ESRRG: variants seen among roughly 807,000 people sequenced by gnomAD.
ESRRG encodes the protein estrogen-related receptor gamma.
Under a neutral mutation model 44.0 loss-of-function variants are expected in ESRRG, and 13 were observed. That is an observed-to-expected ratio of 0.30 (90% confidence interval 0.19 to 0.47). The LOEUF (loss-of-function observed/expected upper bound fraction) is 0.47, where lower values mean the gene tolerates loss of function less well. Ranked by LOEUF, ESRRG falls within the 20% of genes least tolerant of loss-of-function variation. The pLI, the probability that ESRRG is intolerant of heterozygous loss-of-function variation, is 1.00. For synonymous variants in ESRRG, 215 were observed against 214.6 expected (o/e 1.00, Z -0.02); for missense variants, 395 against 580.6 (o/e 0.68, Z 3.29).
intron 1 of ESRRG, among the ~76,000 whole-genome samples, chr1:216,711,121 C>G (rs976216850): frequency 1.3e-5 from 2 of 152,154 alleles, no homozygotes; most frequent in East Asian, 1.9e-4. Context: ...ACCTATCGAC[C>G]GAGCCAATTT....
chr1:217,113,096 T>C (rs1386743333), intron 1 of ESRRG, among the ~76,000 whole-genome samples: 3 of 152,060 alleles, frequency 2.0e-5, no homozygotes, highest in Non-Finnish European at 4.4e-5. Context: ...ACAGAGAAAA[T>C]ACAAAATGAA....
intron 5 of ESRRG, among the ~76,000 whole-genome samples, chr1:216,563,269 C>T (rs921377108): frequency 1.3e-5 from 2 of 152,156 alleles, no homozygotes; most frequent in South Asian, 2.1e-4. Context: ...AACAAATTGT[C>T]GCCTGAACGC....
intron 2 of ESRRG, among the ~76,000 whole-genome samples, chr1:216,880,302 C>A (rs12136850): frequency 2.6e-5 from 1 of 38,878 alleles, no homozygotes; most frequent in Non-Finnish European, 4.5e-5. Context: ...AAGCCTCCCT[C>A]TCAAAAAAAA....
intron 2 of ESRRG, among the ~76,000 whole-genome samples, chr1:216,776,490 T>C (rs2093621010): frequency 6.6e-6 from 1 of 152,120 alleles, no homozygotes; most frequent in Non-Finnish European, 1.5e-5. Context: ...ATTCCTTCAC[T>C]GGACTTCATA....
intron 2 of ESRRG, among the ~76,000 whole-genome samples, chr1:216,788,358 T>C (rs183847104): frequency 6.6e-6 from 1 of 152,252 alleles, no homozygotes; most frequent in African/African-American, 2.4e-5. Flanking sequence ...CTGAAAATCC[T>C]AGGGCCCTTA....
At chr1:217,047,453 C>A (rs1045328115) in intron 1 of ESRRG, among the ~76,000 whole-genome samples, 1 of 152,102 alleles carries the variant, frequency 6.6e-6, no homozygotes, top group Non-Finnish European at 1.5e-5. Flanking sequence ...TAATTAAGCA[C>A]CAAATACTGT....
At chr1:216,925,537 T>C (rs563505849) in intron 2 of ESRRG, among the ~76,000 whole-genome samples, 83 of 152,314 alleles carry the variant, frequency 5.4e-4, no homozygotes, top group African/African-American at 1.8e-3. Context: ...CTAAGGTTAT[T>C]CTCAAATACA....
intron 2 of ESRRG, among the ~76,000 whole-genome samples, chr1:216,736,177 T>A (rs1366145183): frequency 4.3e-5 from 1 of 23,018 alleles, no homozygotes; most frequent in Non-Finnish European, 8.1e-5. Context: ...TTAAGGACTA[T>A]TTTTTTTTTT....
chr1:216,904,465 C>A (rs17684132), intron 2 of ESRRG, among the ~76,000 whole-genome samples: 7,188 of 152,214 alleles, frequency 0.047, 212 homozygotes, highest in Middle Eastern at 0.078. Flanking sequence ...CATTGAAAAG[C>A]GCACTTAGCG....
intron 2 of ESRRG, among the ~76,000 whole-genome samples, chr1:216,859,836 G>A (rs974742922): frequency 6.6e-6 from 1 of 152,168 alleles, no homozygotes; most frequent in Non-Finnish European, 1.5e-5. Flanking sequence ...CATATGAGAA[G>A]ATAGAATTCT....
chr1:217,017,850 G>A (rs929724613), intron 1 of ESRRG, among the ~76,000 whole-genome samples: 1 of 152,128 alleles, frequency 6.6e-6, no homozygotes, highest in Non-Finnish European at 1.5e-5. Context: ...ACACATCATC[G>A]ATTGCATAAC....
At chr1:217,118,045 G>C (rs2102486343) in intron 1 of ESRRG, among the ~76,000 whole-genome samples, 1 of 152,228 alleles carries the variant, frequency 6.6e-6, no homozygotes, top group East Asian at 1.9e-4. Context: ...AAATTATTTA[G>C]TACTTACTAT....
chr1:216,952,738 T>C (rs1040851430), intron 1 of ESRRG, among the ~76,000 whole-genome samples: 6 of 152,118 alleles, frequency 3.9e-5, no homozygotes, highest in African/African-American at 1.4e-4. Context: ...TCTAGAATCA[T>C]CAGTCTTCCA....
chr1:217,066,583 AG>A (rs1472073126), intron 1 of ESRRG, among the ~76,000 whole-genome samples: 1 of 152,194 alleles, frequency 6.6e-6, no homozygotes, highest in African/African-American at 2.4e-5. Flanking sequence ...CCATTTAAAA[AG>A]GATGAAAATA....
intron 2 of ESRRG, among the ~76,000 whole-genome samples, chr1:216,766,779 G>C (rs532790524): frequency 1.3e-5 from 2 of 151,984 alleles, no homozygotes; most frequent in Admixed American, 6.6e-5. Flanking sequence ...TCTTTAGAAG[G>C]CTCTACCTTA....
At chr1:216,880,879 G>T (rs2096435536) in intron 2 of ESRRG, among the ~76,000 whole-genome samples, 1 of 152,066 alleles carries the variant, frequency 6.6e-6, no homozygotes, top group African/African-American at 2.4e-5. Flanking sequence ...AAAAAGCATT[G>T]CTGACCCACT....
chr1:216,582,980 C>G (rs774102080), intron 3 of ESRRG, among the ~76,000 whole-genome samples: 4 of 151,536 alleles, frequency 2.6e-5, no homozygotes, highest in Non-Finnish European at 5.9e-5. Context: ...GGGAGAATGG[C>G]CAGGAAAGAC....
At chr1:216,515,397 A>T (rs915801729) in intron 6 of ESRRG, among the ~76,000 whole-genome samples, 1 of 152,096 alleles carries the variant, frequency 6.6e-6, no homozygotes, top group African/African-American at 2.4e-5. Context: ...ATGAAAACAC[A>T]CTAAGTCAAA....
chr1:216,727,427 C>T (rs1185827286), upstream of ESRRG, among the ~76,000 whole-genome samples: 2 of 152,148 alleles, frequency 1.3e-5, no homozygotes, highest in African/African-American at 2.4e-5. Context: ...CCCTTCTACT[C>T]CTCATGAGCT....
Sources: allele counts gnomAD v4.1 joint callset (sites outside exome capture counted in the v4.1 genomes callset), GRCh38; gene constraint gnomAD v4.1.1; transcripts MANE v1.5; gene names NCBI Gene and HGNC (gene_info 2026-07-23, HGNC 2026-07-21).